The following ACP1 variants were observed in gnomAD, a reference collection of about 807,000 sequenced individuals.
ACP1 encodes acid phosphatase 1.
ACP1 carries 23 observed loss-of-function variants against 23.4 expected under a neutral mutation model. The observed-to-expected ratio is 0.98, with a 90% CI of 0.71 to 1.39. The LOEUF is 1.39. Among genes scored for constraint, ACP1 ranks in the 40% most tolerant of loss-of-function variants. ACP1 has a pLI of 0.00. For missense variants in ACP1, 180 were observed against 197.7 expected (o/e 0.91, Z 0.54); for synonymous variants, 72 against 67.2 (o/e 1.07, Z -0.35).
In ACP1 at chr2:272,240, C is replaced by G. The variant is rs200503887; in HGVS notation, c.231+90C>G. 39 of 1,614,158 alleles carry G rather than the reference C, an allele frequency of 2.4e-5. No individual in the cohort carries two copies. In the East Asian group the frequency reaches 8.2e-4, roughly 34 times the overall value. On this transcript the variant is annotated intron_variant, in intron 3 of 5. Coordinates refer to ENST00000272065, the MANE Select transcript of ACP1 (RefSeq NM_004300.4). The stretch of plus-strand genomic sequence containing the variant: ...TTCTGACTGGAACGTGGGCCGGTCC[C>G]CAGACCCAAGAGCTGTGAGCTGCCT...
At chr2:273,997 C>T (rs1161878943) in intron 3 of ACP1, among the ~76,000 whole-genome samples, 1 of 151,948 alleles carries the variant, frequency 6.6e-6, no homozygotes, top group Non-Finnish European at 1.5e-5. Flanking sequence ...CCATCTCTAC[C>T]AAAAAAATTT....
At chr2:277,110 C>A in intron 5 of ACP1, 25 bp downstream of exon 5, 1 of 1,578,884 alleles carries the variant, frequency 6.3e-7, no homozygotes, top group Non-Finnish European at 8.7e-7. Context: ...CGTTTTAGGG[C>A]TAATATGAAG....
Position 271,897 on chromosome 2 carries a change from A to G in ACP1, c.75A>G (p.Ala25=). The stretch of plus-strand genomic sequence containing the variant: ...TTTGTCGATCACCCATTGCAGAAGC[A>G]GTTTTCAGGAAACTTGTAACCGATC... ...GNICRSPIAE[A]VFRKLVTDQN... is the part of the protein sequence containing the mutation. Residue 25 remains alanine, a synonymous_variant, in exon 2 of 6, where the codon GCA becomes GCG. Transcript: ENST00000272065. 1 of 1,613,574 alleles carries G rather than the reference A, an allele frequency of 6.2e-7. No individual in the cohort carries two copies. The highest frequency in any genetic ancestry group is 1.1e-5 in the South Asian group (1 of 91,062).
At chr2:271,196 C>G (rs1399883854) in intron 1 of ACP1, among the ~76,000 whole-genome samples, 1 of 150,624 alleles carries the variant, frequency 6.6e-6, no homozygotes, top group South Asian at 2.1e-4. Flanking sequence ...AAACAGTAGT[C>G]ATCCTTATGT....
intron 1 of ACP1, 90 bp from the exon 2 acceptor site, chr2:271,776 C>G: frequency 2.0e-6 from 2 of 994,456 alleles, no homozygotes; most frequent in Non-Finnish European, 3.2e-6. Flanking sequence ...TAGCACAGCC[C>G]CCGTGTGTCA....
chr2:268,319 T>C (rs1669944032), intron 1 of ACP1, among the ~76,000 whole-genome samples: 1 of 152,260 alleles, frequency 6.6e-6, no homozygotes, highest in Admixed American at 6.5e-5. Flanking sequence ...AAAAACTTTG[T>C]TCATTCAAAG....
At chr2:273,776 GTC>G (rs1670104927) in intron 3 of ACP1, among the ~76,000 whole-genome samples, 1 of 152,142 alleles carries the variant, frequency 6.6e-6, no homozygotes, top group African/African-American at 2.4e-5. Flanking sequence ...CAGTTACTAA[GTC>G]TTTTTTTATG....
At chr2:274,970 G>C (rs1242666609) in intron 3 of ACP1, 170 bp from the exon 4 acceptor site, 1 of 392,702 alleles carries the variant, frequency 2.5e-6, no homozygotes, top group Non-Finnish European at 4.6e-6. Context: ...ACAATTTTGA[G>C]AAATAGGTTA....
At chr2:269,258 G>A in intron 1 of ACP1, 2 of 467,574 alleles carry the variant, frequency 4.3e-6, no homozygotes, top group Non-Finnish European at 8.9e-6. Context: ...CATATAGAGG[G>A]TATTCAAGGC....
rs146212980 is a variant in ACP1, at chr2:272,286, C to G, written c.231+136C>G. The G allele has an allele frequency of 4.3e-6, 7 of 1,613,596 alleles. No homozygotes were observed. The African/African-American group carries it at 9.3e-5, about 22-fold the overall frequency. On this transcript the variant is annotated intron_variant, in intron 3 of 5. Transcript: ENST00000272065. ...TGCCTAAGAAATCATGGCATTCACA[C>G]AGCCCATAAAGCAAGACAGGTAGAC...
chr2:274,437 A>G (rs1252110373), intron 3 of ACP1: 1 of 152,770 alleles, frequency 6.5e-6, no homozygotes, highest in Non-Finnish European at 1.5e-5. Flanking sequence ...TTTATAGATT[A>G]TATCAGAAAA....
At chr2:270,910 G>A (rs1670011196) in intron 1 of ACP1, among the ~76,000 whole-genome samples, 1 of 152,140 alleles carries the variant, frequency 6.6e-6, no homozygotes, top group South Asian at 2.1e-4. Flanking sequence ...GTAATGGTAA[G>A]TGTTCTGCTT....
intron 1 of ACP1, among the ~76,000 whole-genome samples, chr2:266,935 C>T (rs1467383688): frequency 2.0e-5 from 3 of 152,048 alleles, no homozygotes; most frequent in African/African-American, 7.2e-5. Context: ...CTAAGGGTGA[C>T]TCGAACTCAG....
rs1484085353 is a variant in ACP1 at position 277,060 on chromosome 2, A to T, written c.374A>T (p.Gln125Leu). The change falls in exon 5 of 6, where the codon CAA becomes CTA. Residue 125 changes from glutamine to leucine, a missense_variant. Gln to Leu is a moderately radical substitution (Grantham distance 113). Around this residue, in one of 3 missense-constraint regions of ACP1, gnomAD observed 13 missense variants for 33.0 expected, o/e 0.39. Transcript: ENST00000272065. Reference sequence around the variant, plus strand: ...CTTGGGAGCTATGATCCACAAAAACAACTTATTATTGAAGATCCCTATTAT... The same window carrying T: ...CTTGGGAGCTATGATCCACAAAAACTACTTATTATTGAAGATCCCTATTAT... ...ELLGSYDPQK[Q>L]LIIEDPYYGN... 6.2e-7 allele frequency: 1 copy of T among 1,613,280 alleles called. No homozygotes were observed. Among genetic ancestry groups the T allele is most frequent in the African/African-American group, 1.3e-5 (1 of 74,896 alleles).
In ACP1 at chr2:277,015, G is replaced by A. The variant is rs1182087030; in HGVS notation, c.329G>A (p.Cys110Tyr). The A allele has an allele frequency of 6.2e-7, 1 of 1,611,130 alleles. No homozygotes were observed. The highest frequency in any genetic ancestry group is 2.2e-5 in the East Asian group (1 of 44,862). The change falls in exon 5 of 6, where the codon TGC (cysteine) becomes TAC (tyrosine). Residue 110 changes from cysteine (C) to tyrosine (Y), a missense_variant. Cys to Tyr is a radical substitution (Grantham distance 194, BLOSUM62 -2). Around this residue, in one of 3 missense-constraint regions of ACP1, gnomAD observed 13 missense variants for 33.0 expected, o/e 0.39. Transcript: ENST00000272065. ...AGAAAAAGTAATCAAGTTAAAACCT[G>A]CAAAGCTAAAATTGAACTACTTGGG... ...LNRKSNQVKT[C>Y]KAKIELLGSY...
chr2:274,155 C>G (rs1391905066), intron 3 of ACP1, among the ~76,000 whole-genome samples: 2 of 152,082 alleles, frequency 1.3e-5, no homozygotes, highest in Non-Finnish European at 2.9e-5. Context: ...AGAGTGAGAC[C>G]TTTTCTCTAA....
At chr2:276,377 A>C (rs1168593914) in intron 4 of ACP1, among the ~76,000 whole-genome samples, 2 of 152,148 alleles carry the variant, frequency 1.3e-5, no homozygotes, top group African/African-American at 4.8e-5. Context: ...TTCCCACATA[A>C]AGCACGTACC....
rs772501669 is a variant in ACP1, at chr2:272,019, A to G, written c.118-18A>G. The G allele has an allele frequency of 3.7e-6, 6 of 1,601,158 alleles. No homozygotes were observed. Among genetic ancestry groups the G allele is most frequent in the Non-Finnish European group, 5.1e-6 (6 of 1,174,030 alleles). On this transcript the variant is annotated intron_variant, in intron 2 of 5. Coordinates refer to ENST00000272065, the MANE Select transcript of ACP1 (RefSeq NM_004300.4). ...ATTGCAAAAAAAAAAAAAAAATTCC[A>G]TGTTTCTTCCCCTGCAGTGGAGGGT...
In ACP1 at chr2:277,461, A is replaced by G. The variant is rs1395279350; in HGVS notation, c.*157A>G. 17 of 665,264 alleles carry G rather than the reference A, an allele frequency of 2.6e-5. No individual in the cohort carries two copies. The highest frequency in any genetic ancestry group is 4.0e-5 in the Non-Finnish European group (15 of 373,428). 41.2% of individuals were successfully genotyped at this position (665,264 alleles called of 1,614,324 possible). ...CCTTAAAAAGTAATTGTAGATGGAA[A>G]TCAGTTGTGTTTGGCAGGAGAATCA... On this transcript the variant is annotated 3_prime_UTR_variant, in exon 6 of 6. Transcript: ENST00000272065.
Sources: gnomAD v4.1 joint callset for allele counts (sites outside exome capture counted in the v4.1 genomes callset) on GRCh38, gnomAD v4.1.1 for gene constraint, gnomAD v4.1.1 regional missense constraint, MANE v1.5 for transcripts, NCBI Gene and HGNC (gene_info 2026-07-23, HGNC 2026-07-21) for gene names.